RARB: variants seen among roughly 807,000 people sequenced by gnomAD.
RARB encodes HBV-activated protein.
In RARB, 17 loss-of-function variants were observed where a neutral mutation model predicts 51.9. That is an observed-to-expected ratio of 0.33 (90% confidence interval 0.22 to 0.49). The LOEUF (loss-of-function observed/expected upper bound fraction) is 0.49. RARB is among the 20% of genes least tolerant of loss of function. The pLI is 0.99. For missense variants in RARB, 369 were observed against 550.8 expected, an observed-to-expected ratio of 0.67 and a Z score of 3.30; for synonymous variants, 215 against 195.4, an observed-to-expected ratio of 1.10 and a Z score of -0.84.
At chr3:25,204,639 T>C (rs1322826348) in intron 5 of RARB, among the ~76,000 whole-genome samples, 1 of 152,238 alleles carries the variant, frequency 6.6e-6, no homozygotes, top group Non-Finnish European at 1.5e-5. Flanking sequence ...GTTTTCCTTC[T>C]AACAGTCAGG....
chr3:24,842,474 G>A (rs1286970813), intron 1 of RARB, among the ~76,000 whole-genome samples: 1 of 152,094 alleles, frequency 6.6e-6, no homozygotes, highest in Non-Finnish European at 1.5e-5. Flanking sequence ...GATCTTATTA[G>A]CACAAGACTC....
rs1698281931 is a variant in RARB at position 25,049,415 on chromosome 3, A to G, written c.-379-10710A>G. On this transcript the variant is annotated intron_variant, in intron 2 of 11. Transcript: ENST00000383772. ...ATTTCAGCATTGAATATGGTAGAAT[A>G]TGTATGCTTTTGCCTGGCAAATTAT... 2.6e-5 allele frequency among the ~76,000 whole-genome samples: 4 copies of G among 152,332 alleles called. No individual in the cohort carries two copies. In the South Asian group the frequency reaches 8.3e-4, roughly 32 times the overall value.
In RARB at chr3:24,863,632, C is replaced by G. The variant is rs561802205; in HGVS notation, c.-380+4880C>G. Among the ~76,000 whole-genome samples, 3 of 151,446 alleles carry G rather than the reference C, an allele frequency of 2.0e-5. No individual in the cohort carries two copies. In the South Asian group the frequency reaches 6.3e-4, roughly 32 times the overall value. ...TTGTACGCCTGGCCTGTTCATAAAT[C>G]CAATTTAATTAGAGAACACCACTAA... On this transcript the variant is annotated intron_variant, in intron 2 of 11. Transcript: ENST00000383772.
chr3:25,296,222 A>T (rs181967338), intron 5 of RARB, among the ~76,000 whole-genome samples: 32 of 152,288 alleles, frequency 2.1e-4, no homozygotes, highest in Non-Finnish European at 1.9e-4. Context: ...ACAAGGAAAG[A>T]TCCTCTCAAA....
chr3:24,974,972 C>A (rs955449210), intron 2 of RARB, among the ~76,000 whole-genome samples: 1 of 152,092 alleles, frequency 6.6e-6, no homozygotes, highest in Non-Finnish European at 1.5e-5. Flanking sequence ...GTATGGTAGC[C>A]ACAGACACCT....
At chr3:25,404,088 C>T (rs911618422) in intron 5 of RARB, among the ~76,000 whole-genome samples, 3 of 152,050 alleles carry the variant, frequency 2.0e-5, no homozygotes, top group African/African-American at 7.3e-5. Flanking sequence ...AGAAATTGCT[C>T]ATGCTTCAAC....
intron 5 of RARB, among the ~76,000 whole-genome samples, chr3:25,274,925 C>A (rs975161956): frequency 6.6e-6 from 1 of 152,168 alleles, no homozygotes; most frequent in African/African-American, 2.4e-5. Flanking sequence ...GGGAAATATC[C>A]TTGCCCACAG....
chr3:25,068,861 A>G (rs1284666340), intron 3 of RARB, among the ~76,000 whole-genome samples: 2 of 152,052 alleles, frequency 1.3e-5, no homozygotes, highest in Non-Finnish European at 2.9e-5. Context: ...GGTTAGTATC[A>G]GAAATGAGCC....
rs1484637779 is a variant in RARB, at chr3:25,579,790, C to T, written c.610-756C>T. ...TGTAGTTTACCGTGTCCCTGGATTT[C>T]CTGAGGTTATCTAGAGTCTCAGTCA... On this transcript the variant is annotated intron_variant, in intron 4 of 7. Coordinates refer to ENST00000330688, the MANE Select transcript of RARB (RefSeq NM_000965.5). 2.0e-5 allele frequency among the ~76,000 whole-genome samples: 3 copies of T among 152,166 alleles called. No homozygotes were observed. In the East Asian group the frequency reaches 5.8e-4, roughly 29 times the overall value.
At chr3:24,948,219 C>A (rs556779009) in intron 2 of RARB, among the ~76,000 whole-genome samples, 26 of 145,226 alleles carry the variant, frequency 1.8e-4, no homozygotes, top group African/African-American at 7.0e-4. Context: ...AGAGGAAGGC[C>A]AGGTATAGGT....
chr3:24,898,270 T>C (rs1369781526), intron 2 of RARB, among the ~76,000 whole-genome samples: 1 of 151,638 alleles, frequency 6.6e-6, no homozygotes, highest in Non-Finnish European at 1.5e-5. Flanking sequence ...GCTTGTGAAA[T>C]AGCCTGCAAA....
chr3:25,216,589 G>T (rs554521015), intron 5 of RARB, among the ~76,000 whole-genome samples: 1 of 152,088 alleles, frequency 6.6e-6, no homozygotes, highest in South Asian at 2.1e-4. Context: ...ATTGGGGGGT[G>T]GGGGGTTGTG....
intron 2 of RARB, among the ~76,000 whole-genome samples, chr3:24,977,148 GT>G (rs1696534840): frequency 6.6e-6 from 1 of 152,104 alleles, no homozygotes; most frequent in African/African-American, 2.4e-5. Flanking sequence ...GTACCATGCT[GT>G]TTCGGTTACT....
intron 1 of RARB, among the ~76,000 whole-genome samples, chr3:24,857,023 C>T (rs1254761553): frequency 3.3e-5 from 5 of 152,094 alleles, no homozygotes; most frequent in African/African-American, 1.2e-4. Context: ...TGATAGTTCA[C>T]GTTGTGGTCC....
Position 24,892,393 on chromosome 3 carries a change from A to C in RARB, c.-380+33641A>C, listed in dbSNP as rs568107471. 1.3e-5 allele frequency among the ~76,000 whole-genome samples: 2 copies of C among 152,226 alleles called. 1 individual carries two copies. Among genetic ancestry groups the C allele is most frequent in the South Asian group, 4.1e-4 (2 of 4,822 alleles). On this transcript the variant is annotated intron_variant, in intron 2 of 11. Coordinates refer to the RARB transcript ENST00000383772. ...GACTGGGTAAAGCTTAGTCCAGTTG[A>C]TGGTATAAACTGCTCAGTTGTTTGC...
intron 5 of RARB, among the ~76,000 whole-genome samples, chr3:25,314,699 T>C (rs911629335): frequency 1.3e-5 from 2 of 152,224 alleles, no homozygotes; most frequent in African/African-American, 4.8e-5. Flanking sequence ...TAAAATACTT[T>C]CAACTTTTAT....
chr3:24,912,850 C>T (rs913691778), intron 2 of RARB, among the ~76,000 whole-genome samples: 5 of 151,688 alleles, frequency 3.3e-5, no homozygotes, highest in African/African-American at 7.3e-5. Context: ...CAAAGTGTAA[C>T]TTAAGTTTCT....
chr3:25,157,484 A>C (rs1575186612), intron 4 of RARB, among the ~76,000 whole-genome samples: 1 of 151,814 alleles, frequency 6.6e-6, no homozygotes, highest in Non-Finnish European at 1.5e-5. Context: ...GCTCACTGCA[A>C]CCTCAGCCTC....
At chr3:24,984,603 A>G (rs893637212) in intron 2 of RARB, among the ~76,000 whole-genome samples, 9 of 152,348 alleles carry the variant, frequency 5.9e-5, no homozygotes, top group African/African-American at 2.2e-4. Flanking sequence ...AGAGGTGGCG[A>G]AAACAGAGAA....
Sources: gnomAD v4.1 joint callset for allele counts (sites outside exome capture counted in the v4.1 genomes callset) on GRCh38, gnomAD v4.1.1 for gene constraint, MANE v1.5 for transcripts, NCBI Gene and HGNC (gene_info 2026-07-23, HGNC 2026-07-21) for gene names.